TRRAP: variants seen among roughly 807,000 people sequenced by gnomAD.
TRRAP encodes transformation/transcription domain associated protein.
Under a neutral mutation model 438.8 loss-of-function variants are expected in TRRAP, and 41 were observed. That is an observed-to-expected ratio of 0.09 (90% CI 0.07 to 0.12). The LOEUF (loss-of-function observed/expected upper bound fraction) is 0.12. Ranked by LOEUF, TRRAP falls within the 10% of genes least tolerant of loss-of-function variation. TRRAP has a pLI of 1.00. For missense variants in TRRAP, 3,122 were observed against 5,055.1 expected, an observed-to-expected ratio of 0.62 and a Z score of 11.60; for synonymous variants, 1,994 against 1,962.9, an observed-to-expected ratio of 1.02 and a Z score of -0.42.
intron 22 of TRRAP, 39 bp from the exon 23 acceptor site, chr7:98,927,128 G>A (rs369254512): frequency 1.9e-6 from 3 of 1,609,086 alleles, no homozygotes; most frequent in Non-Finnish European, 2.6e-6. Flanking sequence ...CAGCTCAGGA[G>A]TTGGGTGTCG....
chr7:98,901,569 G>A (rs1796469108), intron 11 of TRRAP, among the ~76,000 whole-genome samples: 1 of 152,134 alleles, frequency 6.6e-6, no homozygotes, highest in African/African-American at 2.4e-5. Context: ...TATTTTTTGA[G>A]ATAGAATCTC....
intron 65 of TRRAP, among the ~76,000 whole-genome samples, chr7:98,992,569 GT>G (rs1793476833): frequency 6.6e-6 from 1 of 151,278 alleles, no homozygotes; most frequent in Non-Finnish European, 1.5e-5. Flanking sequence ...CCGTGTGTGT[GT>G]GTGTGTGTGT....
chr7:98,989,944 A>G (rs1793316774), intron 63 of TRRAP, among the ~76,000 whole-genome samples: 1 of 152,118 alleles, frequency 6.6e-6, no homozygotes, highest in Non-Finnish European at 1.5e-5. Context: ...ACTAAATCAA[A>G]AGGCCGGGAG....
intron 13 of TRRAP, among the ~76,000 whole-genome samples, chr7:98,906,617 G>T (rs960846749): frequency 4.6e-5 from 7 of 151,856 alleles, no homozygotes; most frequent in African/African-American, 1.5e-4. Context: ...ATTTTTAGTA[G>T]AGATGGGGTT....
Position 98,948,183 on chromosome 7 carries a change from T to C in TRRAP, c.4549-38T>C. On this transcript the variant is annotated intron_variant, in intron 33 of 72. Coordinates refer to ENST00000456197, the MANE Select transcript of TRRAP (RefSeq NM_001375524.1). The surrounding 1 kb of genome is among the most constrained non-coding windows in gnomAD (Gnocchi z 4.9). ...CGTTGACCTCTGTCACTTGCAAAAT[T>C]AATCGACCTGTTTATAATTTCTGGT... The C allele has an allele frequency of 6.2e-7, 1 of 1,612,290 alleles. No homozygotes were observed. The highest frequency in any genetic ancestry group is 1.1e-5 in the South Asian group (1 of 91,068).
intron 67 of TRRAP, among the ~76,000 whole-genome samples, chr7:99,000,922 A>C (rs1249626620): frequency 1.1e-4 from 17 of 152,226 alleles, no homozygotes; most frequent in Admixed American, 1.1e-3. Flanking sequence ...GCTGCCCTGC[A>C]GTGCCCAACT....
intron 31 of TRRAP, among the ~76,000 whole-genome samples, 165 bp from the exon 32 acceptor site, chr7:98,945,582 T>A (rs1170176024): frequency 6.6e-6 from 1 of 152,232 alleles, no homozygotes; most frequent in Non-Finnish European, 1.5e-5. Context: ...AAGGTGAAAG[T>A]GTGCTTTTTG....
At position 98,904,242 on chromosome 7, in the gene TRRAP, G is replaced by A. The variant is rs1261398688; in HGVS notation, c.1036+725G>A. Among the ~76,000 whole-genome samples, 7 of 152,050 alleles carry A rather than the reference G, an allele frequency of 4.6e-5. No homozygotes were observed. In the East Asian group the frequency reaches 1.2e-3, roughly 25 times the overall value. ...CTCACGTCTGTAATCCCAGCACTTAGGGAGGCCGAGGCGAGCGGATCACGA... is the reference window on the plus strand; with the variant it reads ...CTCACGTCTGTAATCCCAGCACTTAAGGAGGCCGAGGCGAGCGGATCACGA... On this transcript the variant is annotated intron_variant, in intron 12 of 72. Coordinates refer to ENST00000456197, the MANE Select transcript of TRRAP (RefSeq NM_001375524.1).
chr7:98,982,844 G>A (rs1344521830), intron 59 of TRRAP, among the ~76,000 whole-genome samples: 1 of 152,206 alleles, frequency 6.6e-6, no homozygotes, highest in Non-Finnish European at 1.5e-5. Context: ...GGTTTAGCAG[G>A]CACGTTGGGA....
In TRRAP at chr7:98,951,797, C is replaced by T. The variant is rs539375842; in HGVS notation, c.5463+793C>T. ...GCCTCCTTCCTGAAGTGTTGACATT[C>T]CACCCTATGATCAGAGTGAGCCCAA... On this transcript the variant is annotated intron_variant, in intron 39 of 72. Coordinates refer to ENST00000456197, the MANE Select transcript of TRRAP (RefSeq NM_001375524.1). Among the ~76,000 whole-genome samples the T allele has an allele frequency of 3.3e-4, 50 of 152,316 alleles. 1 individual carries two copies. The highest frequency in any genetic ancestry group is 6.2e-4 in the South Asian group (3 of 4,824).
chr7:98,942,760 G>C (rs1244314980), intron 30 of TRRAP, among the ~76,000 whole-genome samples, 189 bp from the exon 31 acceptor site: 1 of 152,182 alleles, frequency 6.6e-6, no homozygotes, highest in African/African-American at 2.4e-5. Flanking sequence ...AGCAAGGCAG[G>C]CTTTTTATTT....
At chr7:98,970,440 C>A in intron 52 of TRRAP, 149 bp downstream of exon 52, 1 of 987,402 alleles carries the variant, frequency 1.0e-6, no homozygotes, top group Non-Finnish European at 1.5e-6. Context: ...CGGGCAGAAT[C>A]CCAGAGGAGT....
At position 98,964,703 on chromosome 7, in the gene TRRAP, C is replaced by T. The variant is rs866017650; in HGVS notation, c.6904C>T (p.Arg2302Cys). ...YIDRLISVFM[R>C]SLQKMVREHL... ...AGACAGGCTGATCTCCGTCTTTATG[C>T]GCTCCCTGCAGAAGATGGTCCGGGA... The change falls in exon 48 of 73, where the codon CGC becomes TGC. Residue 2302 changes from arginine (R) to cysteine (C), a missense_variant. Physicochemically the swap from Arg to Cys is radical, Grantham distance 180 (BLOSUM62 -3). Transcript: ENST00000456197. The T allele has an allele frequency of 6.2e-7, 1 of 1,613,864 alleles. No individual in the cohort carries two copies. The highest frequency in any genetic ancestry group is 8.5e-7 in the Non-Finnish European group (1 of 1,179,936).
At position 98,956,128 on chromosome 7, in the gene TRRAP, C is replaced by T. The variant is rs1409160486; in HGVS notation, c.5938-18C>T. On this transcript the variant is annotated intron_variant, in intron 41 of 72. Coordinates refer to ENST00000456197, the MANE Select transcript of TRRAP (RefSeq NM_001375524.1). This position sits in a 1 kb window ranked among gnomAD's most constrained non-coding sequence, Gnocchi z 4.5. ...CAAGCTCCCATGTTCCGGCGTGATGCTGGCCCTGCGTCCGCAGGTGTACTA... is the reference window on the plus strand; with the variant it reads ...CAAGCTCCCATGTTCCGGCGTGATGTTGGCCCTGCGTCCGCAGGTGTACTA... 9 of 1,604,604 alleles carry T rather than the reference C, an allele frequency of 5.6e-6. No individual in the cohort carries two copies. The East Asian group carries it at 1.6e-4, about 28-fold the overall frequency.
chr7:98,903,618 A>T, intron 12 of TRRAP, 101 bp downstream of exon 12: 1 of 1,513,804 alleles, frequency 6.6e-7, no homozygotes, highest in South Asian at 1.2e-5. Context: ...GTTTCCATGT[A>T]TCCTTGCTTC....
intron 26 of TRRAP, among the ~76,000 whole-genome samples, chr7:98,932,414 A>G (rs781845300): frequency 1.3e-5 from 2 of 151,800 alleles, no homozygotes; most frequent in Non-Finnish European, 2.9e-5. Context: ...CGCCCAGCCT[A>G]TTTTTTTTAA....
chr7:98,950,124 T>G lies in TRRAP; in HGVS notation c.5196T>G (p.Phe1732Leu), dbSNP rs1554417889. ...TGCTCCGAGCCTTTACTGGTCGTTT[T>G]CTCTGCAACATGACATTCTTAAAAG... Reference protein sequence around the residue: ...FQLLRAFTGRFLCNMTFLKEY... With the variant: ...FQLLRAFTGRLLCNMTFLKEY... Residue 1732 changes from phenylalanine (F) to leucine (L), a missense_variant, in exon 38 of 73, where the codon TTT becomes TTG. Physicochemically the swap from Phe to Leu is conservative, Grantham distance 22 (BLOSUM62 0). Coordinates refer to ENST00000456197, the MANE Select transcript of TRRAP (RefSeq NM_001375524.1). 6.2e-7 allele frequency: 1 copy of G among 1,614,254 alleles called. No individual in the cohort carries two copies. Among genetic ancestry groups the G allele is most frequent in the East Asian group, 2.2e-5 (1 of 44,886 alleles).
At chr7:98,891,544 T>A (rs2116300535) in intron 4 of TRRAP, among the ~76,000 whole-genome samples, 1 of 144,538 alleles carries the variant, frequency 6.9e-6, no homozygotes, top group South Asian at 2.2e-4. Flanking sequence ...CTCTTTTTTT[T>A]TTTTTTTTTG....
rs782563262 is a variant in TRRAP, at chr7:98,895,799, C to T, written c.486C>T (p.Tyr162=). 9.3e-6 allele frequency: 15 copies of T among 1,606,306 alleles called. No individual in the cohort carries two copies. The highest frequency in any genetic ancestry group is 1.7e-4 in the Middle Eastern group (1 of 6,028). The part of the protein sequence containing the change: ...HHFLDFVKQI[Y]KELPKVVNRY... ...TTCTGGATTTTGTGAAACAGATTTA[C>T]AAGGAGCTTCCAAAAGTAGTGGTAT... The change falls in exon 7 of 73, where the codon TAC becomes TAT. Residue 162 remains tyrosine (Y), a synonymous_variant. Coordinates refer to ENST00000456197, the MANE Select transcript of TRRAP (RefSeq NM_001375524.1).
Sources: allele counts gnomAD v4.1 joint callset (sites outside exome capture counted in the v4.1 genomes callset), GRCh38; gene constraint gnomAD v4.1.1; non-coding constraint Gnocchi (gnomAD v3.1); transcripts MANE v1.5; gene names NCBI Gene and HGNC (gene_info 2026-07-23, HGNC 2026-07-21).